ITPR1: variants seen among roughly 807,000 people sequenced by gnomAD.
ITPR1 encodes inositol 1,4,5-trisphosphate-gated calcium channel ITPR1.
Under a neutral mutation model 318.4 loss-of-function variants are expected in ITPR1, and 96 were observed. The ratio of observed to expected loss-of-function variants is 0.30; its 90% CI spans 0.26 to 0.36. ITPR1 has a LOEUF of 0.36. ITPR1 is among the 10% of genes least tolerant of loss of function. The probability of loss-of-function intolerance (pLI) is 1.00; values close to 1 mark genes in which losing one functional copy is unlikely to be tolerated. For missense variants in ITPR1, 2,440 were observed against 3,460.2 expected (o/e 0.71, Z 7.40); for synonymous variants, 1,312 against 1,289.9 (o/e 1.02, Z -0.37).
At chr3:4,737,462 TGGTAGAGAG>T (rs1157634955) in intron 44 of ITPR1, among the ~76,000 whole-genome samples, 1 of 152,126 alleles carries the variant, frequency 6.6e-6, no homozygotes, top group Non-Finnish European at 1.5e-5. Context: ...TCATATTCCA[TGGTAGAGAG>T]GGCCCAGAGG....
chr3:4,739,233 G>A (rs911320197), intron 44 of ITPR1, among the ~76,000 whole-genome samples: 2 of 152,246 alleles, frequency 1.3e-5, no homozygotes, highest in African/African-American at 4.8e-5. Flanking sequence ...AGACCACAGT[G>A]TGGCAATTAA....
intron 11 of ITPR1, among the ~76,000 whole-genome samples, chr3:4,653,266 G>C (rs542074044): frequency 6.6e-6 from 1 of 152,170 alleles, no homozygotes; most frequent in African/African-American, 2.4e-5. Flanking sequence ...TGCCTGACCC[G>C]AGGAAGGCTG....
At chr3:4,801,656 C>T (rs548242539) in intron 54 of ITPR1, among the ~76,000 whole-genome samples, 4 of 152,066 alleles carry the variant, frequency 2.6e-5, no homozygotes, top group Non-Finnish European at 4.4e-5. Flanking sequence ...CCTAGCTACT[C>T]GGGAGACTGA....
At chr3:4,701,754 C>G (rs1217044824) in intron 35 of ITPR1, among the ~76,000 whole-genome samples, 3 of 148,672 alleles carry the variant, frequency 2.0e-5, no homozygotes, top group Non-Finnish European at 4.4e-5. Flanking sequence ...GAATTGTTCA[C>G]TGAGGCCTGA....
rs985963772 is a variant in ITPR1 at position 4,846,958 on chromosome 3, C to CTT, written c.*735_*736dup. 6.6e-6 allele frequency: 1 copy of CTT among 152,608 alleles called. No homozygotes were observed. Among genetic ancestry groups the CTT allele is most frequent in the African/African-American group, 2.4e-5 (1 of 41,438 alleles). 9.5% of individuals were successfully genotyped at this position (152,608 alleles called of 1,614,324 possible). A position where few individuals can be genotyped will look rare whatever the true frequency, so the allele number is the denominator to read the frequency against. Reference sequence around the variant, plus strand: ...AAGAGAGCCAAATTAGAGGCTCATACTTTAGCTTGTGAAGAAGATAATGAA... The same window carrying CTT: ...AAGAGAGCCAAATTAGAGGCTCATACTTTTTAGCTTGTGAAGAAGATAATGAA... On this transcript the variant is annotated 3_prime_UTR_variant, in exon 62 of 62. Transcript: ENST00000649015.
chr3:4,742,237 T>C (rs1406692818), intron 44 of ITPR1, among the ~76,000 whole-genome samples: 2 of 152,184 alleles, frequency 1.3e-5, no homozygotes, highest in Non-Finnish European at 2.9e-5. Flanking sequence ...TTCAGTGACC[T>C]TGGGGTTTGT....
intron 4 of ITPR1, 31 bp downstream of exon 4, chr3:4,521,125 C>T (rs762893060): frequency 4.8e-6 from 7 of 1,462,978 alleles, no homozygotes; most frequent in Non-Finnish European, 6.7e-6. Flanking sequence ...GAGTAGTCAC[C>T]TTGACTCACT....
Position 4,791,514 on chromosome 3 carries a change from G to A in ITPR1, c.6808+3375G>A, listed in dbSNP as rs150888041. On this transcript the variant is annotated intron_variant, in intron 52 of 61. Transcript: ENST00000649015. ...GATGTGACAGAGGCAGAGCTTAGGTGGTAATGCTCGCTTGCTGCTCACCTT... is the reference window on the plus strand; with the variant it reads ...GATGTGACAGAGGCAGAGCTTAGGTAGTAATGCTCGCTTGCTGCTCACCTT... Among the ~76,000 whole-genome samples the A allele has an allele frequency of 3.8e-3, 575 of 152,294 alleles. 4 individuals are homozygous for A. Among genetic ancestry groups the A allele is most frequent in the African/African-American group, 0.013 (556 of 41,560 alleles).
intron 53 of ITPR1, among the ~76,000 whole-genome samples, chr3:4,795,428 A>G (rs2047836841): frequency 6.6e-6 from 1 of 152,228 alleles, no homozygotes; most frequent in African/African-American, 2.4e-5. Context: ...GATACTATTA[A>G]ACCTGTGAGA....
At chr3:4,801,279 T>C (rs1461460365) in intron 54 of ITPR1, among the ~76,000 whole-genome samples, 1 of 152,168 alleles carries the variant, frequency 6.6e-6, no homozygotes, top group African/African-American at 2.4e-5. Flanking sequence ...GTTTCTGCCC[T>C]GAGTATATAA....
At chr3:4,697,058 T>C in intron 33 of ITPR1, 89 bp from the exon 34 acceptor site, 1 of 1,202,560 alleles carries the variant, frequency 8.3e-7, no homozygotes, top group Admixed American at 2.1e-5. Flanking sequence ...ATGACCATTT[T>C]CATCGGTCCT....
intron 4 of ITPR1, among the ~76,000 whole-genome samples, chr3:4,609,177 C>T (rs570915292): frequency 1.3e-3 from 195 of 146,254 alleles, no homozygotes; most frequent in African/African-American, 4.6e-3. Flanking sequence ...TCTTGAGGTG[C>T]CATCCTTGAG....
intron 61 of ITPR1, among the ~76,000 whole-genome samples, chr3:4,845,064 A>G (rs1417832630): frequency 6.6e-6 from 1 of 152,206 alleles, no homozygotes; most frequent in Non-Finnish European, 1.5e-5. Context: ...TTCTCCACCA[A>G]TCAGCTAGGA....
At chr3:4,717,856 T>C (rs2041884160) in intron 40 of ITPR1, among the ~76,000 whole-genome samples, 1 of 152,200 alleles carries the variant, frequency 6.6e-6, no homozygotes, top group African/African-American at 2.4e-5. Flanking sequence ...TTGAAAAGTA[T>C]TGAGTGTGAG....
At chr3:4,688,675 G>C in intron 31 of ITPR1, 55 bp downstream of exon 31, 1 of 1,562,422 alleles carries the variant, frequency 6.4e-7, no homozygotes. Context: ...AGGGAAGAGG[G>C]AGGAGGAACA....
intron 4 of ITPR1, among the ~76,000 whole-genome samples, chr3:4,597,939 G>T (rs1318881066): frequency 2.0e-5 from 3 of 152,226 alleles, no homozygotes; most frequent in Non-Finnish European, 4.4e-5. Context: ...CTAGGAGGCA[G>T]ATAGTATTAG....
At chr3:4,605,250 C>G (rs1270934432) in intron 4 of ITPR1, among the ~76,000 whole-genome samples, 10 of 152,096 alleles carry the variant, frequency 6.6e-5, no homozygotes, top group African/African-American at 2.4e-4. Flanking sequence ...CCCTGCCCGG[C>G]CCTATAGTTT....
chr3:4,606,924 T>C lies in ITPR1; in HGVS notation c.164-20839T>C, dbSNP rs112395703. On this transcript the variant is annotated intron_variant, in intron 4 of 61. Coordinates refer to ENST00000649015, the MANE Select transcript of ITPR1 (RefSeq NM_001378452.1). ...CATGGTTTACATTTGTGAGACCTGT[T>C]GTGAATTTGGAATGGCTGGAGTGAA... 3.4e-3 allele frequency among the ~76,000 whole-genome samples: 517 copies of C among 152,254 alleles called. 5 individuals are homozygous for C. Among genetic ancestry groups the C allele is most frequent in the African/African-American group, 0.012 (479 of 41,550 alleles).
intron 4 of ITPR1, among the ~76,000 whole-genome samples, chr3:4,568,661 A>C (rs1212572823): frequency 6.6e-6 from 1 of 152,110 alleles, no homozygotes; most frequent in Non-Finnish European, 1.5e-5. Flanking sequence ...AAAATCAAGG[A>C]GATATGGAAG....
Sources: gnomAD v4.1 joint callset for allele counts (sites outside exome capture counted in the v4.1 genomes callset) on GRCh38, gnomAD v4.1.1 for gene constraint, MANE v1.5 for transcripts, NCBI Gene and HGNC (gene_info 2026-07-23, HGNC 2026-07-21) for gene names.